The following EXOC4 variants were observed in gnomAD, a reference collection of about 807,000 sequenced individuals.
EXOC4 encodes SEC8-like 1.
EXOC4 carries 71 observed loss-of-function variants against 107.2 expected under a neutral mutation model. That is an observed-to-expected ratio of 0.66 (90% confidence interval 0.55 to 0.81). The LOEUF (loss-of-function observed/expected upper bound fraction) is 0.81. Ranked by LOEUF, EXOC4 falls within the 30% of genes least tolerant of loss-of-function variation. EXOC4 has a pLI of 0.00. For synonymous variants in EXOC4, 456 were observed against 441.2 expected, an observed-to-expected ratio of 1.03 and a Z score of -0.42; for missense variants, 1,108 against 1,189.6, an observed-to-expected ratio of 0.93 and a Z score of 1.01.
chr7:134,079,659 A>C, the EXOC4 span, among the ~76,000 whole-genome samples: 1 of 152,174 alleles, frequency 6.6e-6, no homozygotes, highest in African/African-American at 2.4e-5. Context: ...CGGTTGGGCT[A>C]TCCTGTCCCT....
chr7:133,541,726 C>T (rs1041166953), intron 9 of EXOC4, among the ~76,000 whole-genome samples: 6 of 151,920 alleles, frequency 3.9e-5, no homozygotes, highest in Non-Finnish European at 1.5e-5. Flanking sequence ...GACTGGTCTT[C>T]AACTCCTGGG....
chr7:133,469,524 C>T (rs1041881015), intron 7 of EXOC4, among the ~76,000 whole-genome samples: 2 of 152,006 alleles, frequency 1.3e-5, no homozygotes, highest in African/African-American at 2.4e-5. Flanking sequence ...TTATGAGATG[C>T]CAGTATTTTG....
intron 11 of EXOC4, among the ~76,000 whole-genome samples, chr7:133,857,198 A>T (rs1247359846): frequency 1.8e-4 from 5 of 28,390 alleles, no homozygotes; most frequent in Non-Finnish European, 2.4e-4. Context: ...ATATATATAT[A>T]TATTTTACCT....
intron 10 of EXOC4, among the ~76,000 whole-genome samples, chr7:133,734,028 T>G (rs1795386397): frequency 6.6e-6 from 1 of 152,242 alleles, no homozygotes; most frequent in Non-Finnish European, 1.5e-5. Flanking sequence ...ACTCCATAAT[T>G]GACATTCTGT....
At chr7:133,446,199 T>A (rs1427985144) in intron 7 of EXOC4, among the ~76,000 whole-genome samples, 1 of 152,166 alleles carries the variant, frequency 6.6e-6, no homozygotes, top group Non-Finnish European at 1.5e-5. Context: ...TTCTCTGTGC[T>A]TGTACATGAG....
At chr7:133,900,301 G>A (rs1250865281) in intron 12 of EXOC4, among the ~76,000 whole-genome samples, 1 of 152,230 alleles carries the variant, frequency 6.6e-6, no homozygotes, top group East Asian at 1.9e-4. Context: ...AATATGGCAA[G>A]ATAGGTAAAA....
chr7:133,853,679 G>T (rs1798288629), intron 11 of EXOC4, among the ~76,000 whole-genome samples: 2 of 152,138 alleles, frequency 1.3e-5, no homozygotes, highest in Non-Finnish European at 2.9e-5. Flanking sequence ...CATTGCCAGT[G>T]GGGAGACGTC....
intron 11 of EXOC4, among the ~76,000 whole-genome samples, chr7:133,839,602 T>C (rs975562471): frequency 5.9e-5 from 9 of 152,214 alleles, no homozygotes; most frequent in African/African-American, 1.2e-4. Context: ...AAGACCAAAG[T>C]TGATACTCAA....
intron 17 of EXOC4, among the ~76,000 whole-genome samples, chr7:134,054,303 C>CT (rs987421804): frequency 3.9e-5 from 6 of 152,250 alleles, no homozygotes; most frequent in African/African-American, 1.2e-4. Context: ...CACCCACCTC[C>CT]TCCTCGCCAC....
chr7:133,515,868 A>G (rs1799866479), intron 9 of EXOC4, among the ~76,000 whole-genome samples: 1 of 151,900 alleles, frequency 6.6e-6, no homozygotes, highest in Non-Finnish European at 1.5e-5. Context: ...ATCTCTTCTT[A>G]TATAGTCATT....
At chr7:133,369,589 G>A (rs1236462138) in intron 6 of EXOC4, among the ~76,000 whole-genome samples, 4 of 151,840 alleles carry the variant, frequency 2.6e-5, no homozygotes, top group Non-Finnish European at 5.9e-5. Flanking sequence ...ACTCTTTCCT[G>A]GAGTGTTGGT....
chr7:133,899,529 T>A (rs1799402356), intron 12 of EXOC4, among the ~76,000 whole-genome samples: 1 of 152,204 alleles, frequency 6.6e-6, no homozygotes, highest in Admixed American at 6.5e-5. Context: ...TGATAACAAA[T>A]CAGTTTAATC....
chr7:133,590,117 C>T (rs1009153115), intron 9 of EXOC4, among the ~76,000 whole-genome samples: 3 of 151,942 alleles, frequency 2.0e-5, no homozygotes, highest in Admixed American at 6.6e-5. Flanking sequence ...GTCTAAGTCT[C>T]GAATTTCCGA....
At chr7:133,759,467 A>T (rs1795989534) in intron 10 of EXOC4, among the ~76,000 whole-genome samples, 1 of 152,218 alleles carries the variant, frequency 6.6e-6, no homozygotes, top group Non-Finnish European at 1.5e-5. Flanking sequence ...GTGGCTTTCC[A>T]AGTACAAGTA....
chr7:133,852,794 T>TA (rs1269235517), intron 11 of EXOC4, among the ~76,000 whole-genome samples: 2 of 152,312 alleles, frequency 1.3e-5, no homozygotes, highest in Admixed American at 6.5e-5. Flanking sequence ...TCTTGTTTGA[T>TA]AAAAAACATT....
intron 7 of EXOC4, among the ~76,000 whole-genome samples, chr7:133,398,637 G>A (rs1023938563): frequency 1.3e-5 from 2 of 151,936 alleles, no homozygotes; most frequent in Non-Finnish European, 2.9e-5. Context: ...CTTTTTTTAA[G>A]CCAGGTTTAG....
Position 133,605,424 on chromosome 7 carries a change from C to T in EXOC4, c.1418-24621C>T, listed in dbSNP as rs115850086. Among the ~76,000 whole-genome samples, 384 of 152,184 alleles carry T rather than the reference C, an allele frequency of 2.5e-3. 5 individuals are homozygous for T. The highest frequency in any genetic ancestry group is 8.4e-3 in the African/African-American group (348 of 41,526). ...ACTCTGCATCCCTTTTTCCCACAGC[C>T]GCTGGCAACCACTAATCTATTTTCT... On this transcript the variant is annotated intron_variant, in intron 9 of 17. Transcript: ENST00000253861.
chr7:133,393,302 C>T (rs1400273843), intron 7 of EXOC4, among the ~76,000 whole-genome samples: 1 of 152,118 alleles, frequency 6.6e-6, no homozygotes, highest in Non-Finnish European at 1.5e-5. Context: ...CCATTTCTTA[C>T]ATGTCTTTAA....
At chr7:133,612,791 A>T (rs538271194) in intron 9 of EXOC4, among the ~76,000 whole-genome samples, 81 of 152,250 alleles carry the variant, frequency 5.3e-4, no homozygotes, top group African/African-American at 1.9e-3. Context: ...GGATTTACTG[A>T]GGGATTGGAT....
Sources: gnomAD v4.1 joint callset for allele counts (sites outside exome capture counted in the v4.1 genomes callset) on GRCh38, gnomAD v4.1.1 for gene constraint, MANE v1.5 for transcripts, NCBI Gene and HGNC (gene_info 2026-07-23, HGNC 2026-07-21) for gene names.